The following HCN1 variants were observed in gnomAD, a reference collection of about 807,000 sequenced individuals.
HCN1 encodes hyperpolarization activated cyclic nucleotide gated potassium channel 1.
A neutral mutation model predicts 78.9 loss-of-function variants in HCN1; 13 were observed. The ratio of observed to expected loss-of-function variants is 0.16; its 90% confidence interval spans 0.11 to 0.26. The LOEUF (loss-of-function observed/expected upper bound fraction) is 0.26, where lower values mean the gene tolerates loss of function less well. HCN1 is among the 10% of genes least tolerant of loss of function. The probability of loss-of-function intolerance (pLI) is 1.00; values close to 1 mark genes in which losing one functional copy is unlikely to be tolerated. For missense variants in HCN1, 810 were observed against 1,154.3 expected, an observed-to-expected ratio of 0.70 and a Z score of 4.32; for synonymous variants, 552 against 455.5, an observed-to-expected ratio of 1.21 and a Z score of -2.70.
chr5:45,606,887 C>T (rs1157484541), intron 2 of HCN1, among the ~76,000 whole-genome samples: 2 of 151,716 alleles, frequency 1.3e-5, no homozygotes, highest in African/African-American at 4.8e-5. Context: ...TATGAAACTT[C>T]TATAATGTAT....
intron 1 of HCN1, among the ~76,000 whole-genome samples, chr5:45,668,724 G>A (rs1283251057): frequency 1.3e-5 from 2 of 151,892 alleles, no homozygotes; most frequent in African/African-American, 4.8e-5. Context: ...AGATAAGCAA[G>A]TGTTACATTC....
At chr5:45,523,682 CCTT>C (rs1742665495) in intron 2 of HCN1, among the ~76,000 whole-genome samples, 2 of 151,984 alleles carry the variant, frequency 1.3e-5, no homozygotes, top group Non-Finnish European at 2.9e-5. Context: ...CTGTTCATGT[CCTT>C]CGCCCACTTT....
intron 2 of HCN1, among the ~76,000 whole-genome samples, chr5:45,614,028 T>C (rs75829884): frequency 6.6e-6 from 1 of 152,170 alleles, no homozygotes; most frequent in Admixed American, 6.6e-5. Context: ...TTGTTATGTA[T>C]AGCAGGTCCG....
rs185154782 is a variant in HCN1 at position 45,518,315 on chromosome 5, C to A, written c.850-56308G>T. On this transcript the variant is annotated intron_variant, in intron 2 of 7. Transcript: ENST00000303230. ...ATTCCATGGTTCCATATCTACCAAG[C>A]AGTATGAGAGGCCTCTCTTTAAACT... Among the ~76,000 whole-genome samples the A allele has an allele frequency of 3.0e-4, 45 of 152,012 alleles. 1 individual carries two copies. The East Asian group carries it at 6.9e-3, about 23-fold the overall frequency.
chr5:45,554,279 A>G (rs775566921), intron 2 of HCN1, among the ~76,000 whole-genome samples: 1 of 151,866 alleles, frequency 6.6e-6, no homozygotes, highest in Non-Finnish European at 1.5e-5. Flanking sequence ...TAGAAGTCAC[A>G]GACATTCTCA....
intron 2 of HCN1, among the ~76,000 whole-genome samples, chr5:45,567,911 T>TACACACAC (rs10601970): frequency 3.5e-5 from 5 of 144,606 alleles, no homozygotes; most frequent in East Asian, 2.1e-4. Flanking sequence ...ATATGTGAAG[T>TACACACAC]ACACACACAC....
Position 45,262,341 on chromosome 5 carries a change from C to T in HCN1, c.2253G>A (p.Pro751=), listed in dbSNP as rs1744762382. The change falls in exon 8 of 8, where the codon CCG becomes CCA. Residue 751 remains proline, a synonymous_variant. Coordinates refer to ENST00000303230, the MANE Select transcript of HCN1 (RefSeq NM_021072.4). The part of the protein sequence containing the change: ...SQPPQTQPQQ[P]SPQPQTPGSS... Reference sequence around the variant, plus strand: ...TGCCAGGTGTCTGTGGCTGCGGGGACGGCTGCTGTGGCTGAGTCTGCGGCG... The same window carrying T: ...TGCCAGGTGTCTGTGGCTGCGGGGATGGCTGCTGTGGCTGAGTCTGCGGCG... 1.2e-6 allele frequency: 2 copies of T among 1,613,200 alleles called. No individual in the cohort carries two copies. The highest frequency in any genetic ancestry group is 2.2e-5 in the East Asian group (1 of 44,882).
At chr5:45,671,260 A>G in intron 1 of HCN1, among the ~76,000 whole-genome samples, 1 of 151,446 alleles carries the variant, frequency 6.6e-6, no homozygotes, top group Non-Finnish European at 1.5e-5. Context: ...TCCAGCTCAA[A>G]TGTCATATCC....
At chr5:45,616,541 G>A (rs1744957733) in intron 2 of HCN1, among the ~76,000 whole-genome samples, 1 of 151,858 alleles carries the variant, frequency 6.6e-6, no homozygotes, top group Non-Finnish European at 1.5e-5. Context: ...CAGAAAATAA[G>A]ATTTTCTCAG....
Position 45,661,253 on chromosome 5 carries a change from C to A in HCN1, c.426-15645G>T, listed in dbSNP as rs1296838444. ...CAGAAATAAAGATGTTCTTTGAAAC[C>A]AACGAGAACAAAGACACCACATACC... is the stretch of plus-strand genomic sequence containing the variant. On this transcript the variant is annotated intron_variant, in intron 1 of 7. Coordinates refer to ENST00000303230, the MANE Select transcript of HCN1 (RefSeq NM_021072.4). 1.1e-4 allele frequency among the ~76,000 whole-genome samples: 10 copies of A among 89,166 alleles called. 1 individual carries two copies. The highest frequency in any genetic ancestry group is 4.1e-4 in the African/African-American group (9 of 22,060). 58.5% of individuals were successfully genotyped at this position (89,166 alleles called of 152,430 possible). A position where few individuals can be genotyped will look rare whatever the true frequency, so the allele number is the denominator to read the frequency against.
chr5:45,522,693 C>T (rs78109992), intron 2 of HCN1, among the ~76,000 whole-genome samples: 6 of 149,516 alleles, frequency 4.0e-5, no homozygotes, highest in South Asian at 2.1e-4. Context: ...CTTTTGGAAA[C>T]GACAACTCTG....
At chr5:45,591,236 TG>T (rs1744354726) in intron 2 of HCN1, among the ~76,000 whole-genome samples, 1 of 152,220 alleles carries the variant, frequency 6.6e-6, no homozygotes, top group Non-Finnish European at 1.5e-5. Context: ...TAAACATTTG[TG>T]TGCAGATTTT....
At chr5:45,640,858 G>GAAA (rs61584654) in intron 2 of HCN1, among the ~76,000 whole-genome samples, 1 of 82,314 alleles carries the variant, frequency 1.2e-5, no homozygotes, top group Admixed American at 1.3e-4. Context: ...AGGAGTGATA[G>GAAA]AAAAAAAAAA....
At chr5:45,678,225 C>T (rs1380487851) in intron 1 of HCN1, among the ~76,000 whole-genome samples, 1 of 151,846 alleles carries the variant, frequency 6.6e-6, no homozygotes, top group Non-Finnish European at 1.5e-5. Flanking sequence ...TATCAGACCA[C>T]AAGAAACCAG....
At chr5:45,610,788 A>C (rs920636295) in intron 2 of HCN1, among the ~76,000 whole-genome samples, 1 of 151,670 alleles carries the variant, frequency 6.6e-6, no homozygotes, top group Non-Finnish European at 1.5e-5. Context: ...ATGTTTTGTA[A>C]TAGTCAAATT....
chr5:45,308,393 A>T, intron 5 of HCN1, among the ~76,000 whole-genome samples: 1 of 152,280 alleles, frequency 6.6e-6, no homozygotes, highest in Non-Finnish European at 1.5e-5. Context: ...TTAAAGATGT[A>T]ATTACTGCTC....
intron 2 of HCN1, among the ~76,000 whole-genome samples, chr5:45,467,795 C>T (rs1217127417): frequency 1.3e-5 from 2 of 151,984 alleles, no homozygotes; most frequent in African/African-American, 4.8e-5. Flanking sequence ...CTAGATTAAC[C>T]CCCAAAGATT....
intron 6 of HCN1, among the ~76,000 whole-genome samples, chr5:45,276,048 T>C (rs760567299): frequency 3.9e-5 from 6 of 152,122 alleles, no homozygotes; most frequent in Non-Finnish European, 7.4e-5. Context: ...CTGACAGCTC[T>C]GTTTTCCTAT....
intron 2 of HCN1, among the ~76,000 whole-genome samples, chr5:45,531,923 C>T (rs1005975266): frequency 6.6e-6 from 1 of 151,986 alleles, no homozygotes; most frequent in African/African-American, 2.4e-5. Flanking sequence ...ACTTGTGGTC[C>T]CAGCTACGCA....
Sources: allele counts gnomAD v4.1 joint callset (sites outside exome capture counted in the v4.1 genomes callset), GRCh38; gene constraint gnomAD v4.1.1; transcripts MANE v1.5; gene names NCBI Gene and HGNC (gene_info 2026-07-23, HGNC 2026-07-21).